Variants in KSR2 observed in about 807,000 individuals in gnomAD.
KSR2 encodes kinase suppressor of ras 2.
A neutral mutation model predicts 107.8 loss-of-function variants in KSR2; 25 were observed. The ratio of observed to expected loss-of-function variants is 0.23; its 90% CI spans 0.17 to 0.32. KSR2 has a LOEUF of 0.32. KSR2 is among the 10% of genes least tolerant of loss of function. KSR2 has a pLI of 1.00. For synonymous variants in KSR2, 480 were observed against 507.0 expected, an observed-to-expected ratio of 0.95 and a Z score of 0.71; for missense variants, 887 against 1,268.9, an observed-to-expected ratio of 0.70 and a Z score of 4.57.
chr12:117,820,907 T>A (rs930490816), intron 3 of KSR2, among the ~76,000 whole-genome samples: 1 of 152,186 alleles, frequency 6.6e-6, no homozygotes, highest in African/African-American at 2.4e-5. Flanking sequence ...GAAAGAGCCA[T>A]GTTACTGAGT....
At chr12:117,711,210 T>G (rs1253994819) in intron 4 of KSR2, among the ~76,000 whole-genome samples, 1 of 152,202 alleles carries the variant, frequency 6.6e-6, no homozygotes, top group Non-Finnish European at 1.5e-5. Context: ...AATTTTAAAG[T>G]GCCTCACGTG....
intron 5 of KSR2, among the ~76,000 whole-genome samples, chr12:117,592,186 T>G (rs1880363054): frequency 6.7e-6 from 1 of 149,466 alleles, no homozygotes; most frequent in African/African-American, 2.5e-5. Context: ...CAATCTCCAC[T>G]CACTGCAACC....
intron 4 of KSR2, among the ~76,000 whole-genome samples, chr12:117,743,646 G>A (rs1200571279): frequency 6.6e-6 from 1 of 152,214 alleles, no homozygotes; most frequent in Admixed American, 6.5e-5. Flanking sequence ...GCTCAGACAA[G>A]TTAAGTCATT....
At chr12:117,941,171 T>C (rs931381871) in intron 1 of KSR2, among the ~76,000 whole-genome samples, 2 of 152,202 alleles carry the variant, frequency 1.3e-5, no homozygotes, top group African/African-American at 4.8e-5. Flanking sequence ...CCAAATCCTA[T>C]TCATTGCCAA....
intron 4 of KSR2, among the ~76,000 whole-genome samples, chr12:117,712,234 G>T (rs908152562): frequency 1.3e-5 from 2 of 152,168 alleles, no homozygotes; most frequent in African/African-American, 2.4e-5. Flanking sequence ...CTAATAACAA[G>T]ATGCCTGCAC....
chr12:117,943,665 T>C (rs1189347652), intron 1 of KSR2, among the ~76,000 whole-genome samples: 1 of 152,124 alleles, frequency 6.6e-6, no homozygotes, highest in Non-Finnish European at 1.5e-5. Context: ...TACTAATACA[T>C]GGGTGAAACT....
chr12:117,938,855 G>T (rs765272005), intron 1 of KSR2, among the ~76,000 whole-genome samples: 1 of 152,078 alleles, frequency 6.6e-6, no homozygotes, highest in Admixed American at 6.6e-5. Flanking sequence ...TTCAGATACC[G>T]TGTCCAGAAC....
intron 1 of KSR2, among the ~76,000 whole-genome samples, chr12:117,875,996 A>G (rs1461370055): frequency 1.3e-5 from 2 of 152,160 alleles, no homozygotes; most frequent in African/African-American, 4.8e-5. Context: ...ATAAACCAAC[A>G]TCCTTGGTGG....
intron 4 of KSR2, among the ~76,000 whole-genome samples, chr12:117,713,295 A>G (rs1886861953): frequency 6.6e-6 from 1 of 152,124 alleles, no homozygotes. Context: ...ATCAATTATC[A>G]TTATCCATGT....
At chr12:117,764,009 T>C (rs1451197133) in intron 3 of KSR2, among the ~76,000 whole-genome samples, 1 of 152,184 alleles carries the variant, frequency 6.6e-6, no homozygotes, top group Non-Finnish European at 1.5e-5. Context: ...TAATAATTAC[T>C]ATAACGACTG....
chr12:117,883,311 A>T (rs954131995), intron 1 of KSR2, among the ~76,000 whole-genome samples: 1 of 152,222 alleles, frequency 6.6e-6, no homozygotes, highest in Non-Finnish European at 1.5e-5. Flanking sequence ...GTTTGCAACC[A>T]AACACATAGT....
intron 13 of KSR2, among the ~76,000 whole-genome samples, chr12:117,525,501 C>G (rs1235622887): frequency 6.6e-6 from 1 of 152,106 alleles, no homozygotes; most frequent in Non-Finnish European, 1.5e-5. Flanking sequence ...ATCGCCCATT[C>G]TAGTTTGCTG....
intron 14 of KSR2, 123 bp from the exon 15 acceptor site, chr12:117,485,814 G>C: frequency 1.5e-6 from 1 of 661,410 alleles, no homozygotes; most frequent in Non-Finnish European, 2.7e-6. Context: ...GTGCTTATGA[G>C]ATAATAAGTC....
chr12:117,827,158 G>C (rs887642825), intron 3 of KSR2, among the ~76,000 whole-genome samples: 6 of 151,742 alleles, frequency 4.0e-5, no homozygotes, highest in African/African-American at 1.5e-4. Context: ...AAGAGGAGGA[G>C]GAAAAAGAGA....
intron 4 of KSR2, among the ~76,000 whole-genome samples, chr12:117,736,180 T>G (rs1048955811): frequency 2.0e-5 from 3 of 152,202 alleles, no homozygotes; most frequent in African/African-American, 7.2e-5. Flanking sequence ...CACGGGGCCC[T>G]GTTAAAATGT....
intron 1 of KSR2, among the ~76,000 whole-genome samples, chr12:117,946,416 G>A (rs117733378): frequency 0.04 from 6,057 of 152,022 alleles, 191 homozygotes; most frequent in Non-Finnish European, 0.064. Context: ...CATAGACCCC[G>A]TGACGTTAAA....
At position 117,918,784 on chromosome 12, in the gene KSR2, G is replaced by A. The variant is rs191469071; in HGVS notation, c.180+49292C>T. Among the ~76,000 whole-genome samples, 314 of 135,376 alleles carry A rather than the reference G, an allele frequency of 2.3e-3. 2 individuals are homozygous for A. The highest frequency in any genetic ancestry group is 7.7e-3 in the African/African-American group (276 of 35,852). The allele number at this position is 135,376 out of a possible 152,430, so 88.8% of individuals were successfully genotyped here. Reference sequence around the variant, plus strand: ...GCCTGGGCAACAAGGGCGAAACTCCGTCTCAAAAAAAAAAAAAAAAGTATC... The same window carrying A: ...GCCTGGGCAACAAGGGCGAAACTCCATCTCAAAAAAAAAAAAAAAAGTATC... On this transcript the variant is annotated intron_variant, in intron 1 of 19. Transcript: ENST00000339824.
chr12:117,655,353 A>G, intron 5 of KSR2, among the ~76,000 whole-genome samples: 1 of 152,172 alleles, frequency 6.6e-6, no homozygotes, highest in East Asian at 1.9e-4. Context: ...GTTCCCCATC[A>G]TCCTGAAGCA....
chr12:117,766,357 A>C (rs967472720), intron 3 of KSR2, among the ~76,000 whole-genome samples: 4 of 152,174 alleles, frequency 2.6e-5, no homozygotes, highest in Non-Finnish European at 4.4e-5. Flanking sequence ...ATCTATAGAG[A>C]AAGAGAGCAG....
Sources: allele counts gnomAD v4.1 joint callset (sites outside exome capture counted in the v4.1 genomes callset), GRCh38; gene constraint gnomAD v4.1.1; transcripts MANE v1.5; gene names NCBI Gene and HGNC (gene_info 2026-07-23, HGNC 2026-07-21).